Variants in NCKAP5 observed in about 807,000 individuals in gnomAD.
NCKAP5 encodes NCK associated protein 5, also known as nck-associated protein 5.
NCKAP5 carries 92 observed loss-of-function variants against 167.0 expected under a neutral mutation model. That is an observed-to-expected ratio of 0.55 (90% CI 0.47 to 0.66). The LOEUF (loss-of-function observed/expected upper bound fraction) is 0.66. Ranked by LOEUF, NCKAP5 falls within the 30% of genes least tolerant of loss-of-function variation. The pLI is 0.00. For synonymous variants in NCKAP5, 891 were observed against 877.4 expected (o/e 1.02, Z -0.27); for missense variants, 2,378 against 2,315.0 (o/e 1.03, Z -0.56).
intron 5 of NCKAP5, among the ~76,000 whole-genome samples, chr2:133,209,729 A>G (rs2086121839): frequency 6.6e-6 from 1 of 152,130 alleles, no homozygotes; most frequent in Non-Finnish European, 1.5e-5. Context: ...GTAGTAGTAT[A>G]CCAATGTTAA....
At chr2:133,527,900 T>C (rs1039517319) in intron 2 of NCKAP5, among the ~76,000 whole-genome samples, 1 of 151,936 alleles carries the variant, frequency 6.6e-6, no homozygotes, top group African/African-American at 2.4e-5. Context: ...CCCCTGTCTG[T>C]AGGAAAAATA....
At chr2:132,989,647 C>T (rs1204896670) in intron 7 of NCKAP5, among the ~76,000 whole-genome samples, 2 of 152,118 alleles carry the variant, frequency 1.3e-5, no homozygotes, top group African/African-American at 4.8e-5. Flanking sequence ...TCTCAGTTTA[C>T]TTTATTATTG....
chr2:132,770,717 T>G (rs1474248027), intron 16 of NCKAP5, among the ~76,000 whole-genome samples: 1 of 152,110 alleles, frequency 6.6e-6, no homozygotes, highest in Non-Finnish European at 1.5e-5. Context: ...TATGTTTGTG[T>G]GATGAAGGAA....
the NCKAP5 span, among the ~76,000 whole-genome samples, chr2:133,659,696 T>A: frequency 6.6e-6 from 1 of 152,136 alleles, no homozygotes; most frequent in Non-Finnish European, 1.5e-5. Context: ...GATAAGAATG[T>A]TATAAAATTA....
chr2:132,839,486 T>G (rs981340453), intron 11 of NCKAP5, among the ~76,000 whole-genome samples: 10 of 152,038 alleles, frequency 6.6e-5, no homozygotes, highest in Admixed American at 6.5e-4. Flanking sequence ...AATGGTGGAG[T>G]GCAACAGCTC....
At chr2:132,724,103 C>T (rs776282189) in intron 19 of NCKAP5, among the ~76,000 whole-genome samples, 2 of 152,130 alleles carry the variant, frequency 1.3e-5, no homozygotes, top group Non-Finnish European at 2.9e-5. Flanking sequence ...ACTGGGAGTG[C>T]CCTTCCTGGC....
At chr2:133,126,803 AT>A (rs1322533349) in intron 6 of NCKAP5, among the ~76,000 whole-genome samples, 1 of 152,138 alleles carries the variant, frequency 6.6e-6, no homozygotes, top group African/African-American at 2.4e-5. Flanking sequence ...GCTAAATTAC[AT>A]GCTCATACTC....
At chr2:132,832,818 G>C (rs1385302473) in intron 11 of NCKAP5, among the ~76,000 whole-genome samples, 1 of 152,168 alleles carries the variant, frequency 6.6e-6, no homozygotes, top group Non-Finnish European at 1.5e-5. Context: ...GAACAGTGCT[G>C]TGATAAACAT....
intron 12 of NCKAP5, among the ~76,000 whole-genome samples, chr2:132,794,236 A>G (rs1417150530): frequency 2.2e-5 from 1 of 45,492 alleles, no homozygotes; most frequent in African/African-American, 7.9e-5. Flanking sequence ...ATATATATAT[A>G]TATATATATA....
intron 5 of NCKAP5, among the ~76,000 whole-genome samples, chr2:133,180,167 C>G (rs2084666836): frequency 6.6e-6 from 1 of 151,658 alleles, no homozygotes; most frequent in Non-Finnish European, 1.5e-5. Context: ...CACCATTTTT[C>G]AAATGCTGAA....
At chr2:133,359,732 C>A (rs1208699011) in intron 3 of NCKAP5, among the ~76,000 whole-genome samples, 1 of 151,964 alleles carries the variant, frequency 6.6e-6, no homozygotes, top group Non-Finnish European at 1.5e-5. Context: ...TAGAAGAGAC[C>A]CTGAAGAAGT....
intron 9 of NCKAP5, among the ~76,000 whole-genome samples, chr2:132,874,174 T>C (rs1691071441): frequency 1.4e-5 from 2 of 144,442 alleles, no homozygotes; most frequent in Admixed American, 7.3e-5. Flanking sequence ...AGTGGCGCAA[T>C]CTCAGCTCAC....
chr2:133,466,323 T>A (rs1486658776), intron 3 of NCKAP5, among the ~76,000 whole-genome samples: 71 of 149,330 alleles, frequency 4.8e-4, no homozygotes, highest in Admixed American at 2.5e-3. Context: ...TAGTTGTAGA[T>A]ATGCGGCATT....
At chr2:133,105,431 A>G (rs2149695193) in intron 6 of NCKAP5, among the ~76,000 whole-genome samples, 1 of 152,342 alleles carries the variant, frequency 6.6e-6, no homozygotes, top group Non-Finnish European at 1.5e-5. Flanking sequence ...ATAAGAGAAT[A>G]AAATACTAAT....
chr2:132,940,730 G>T (rs1697235074), intron 8 of NCKAP5, among the ~76,000 whole-genome samples: 1 of 151,216 alleles, frequency 6.6e-6, no homozygotes. Context: ...CTTTTTCAAA[G>T]ATCTGGGTCT....
chr2:132,805,890 A>C lies in NCKAP5; in HGVS notation c.808-9161T>G, dbSNP rs1248869606. ...TGGACTCATCACCCGAGCAGTATACACTGCACCATATTTGTCATCTTTTAT... is the reference window on the plus strand; with the variant it reads ...TGGACTCATCACCCGAGCAGTATACCCTGCACCATATTTGTCATCTTTTAT... On this transcript the variant is annotated intron_variant, in intron 11 of 19. Coordinates refer to ENST00000409261, the MANE Select transcript of NCKAP5 (RefSeq NM_207363.3). Among the ~76,000 whole-genome samples, 7 of 152,106 alleles carry C rather than the reference A, an allele frequency of 4.6e-5. No individual in the cohort carries two copies. The East Asian group carries it at 1.3e-3, about 29-fold the overall frequency.
At chr2:133,583,447 C>T in the NCKAP5 span, among the ~76,000 whole-genome samples, 1 of 146,236 alleles carries the variant, frequency 6.8e-6, no homozygotes, top group Admixed American at 6.8e-5. Flanking sequence ...GAGGCCTCTC[C>T]AGAAGCAGAT....
intron 11 of NCKAP5, among the ~76,000 whole-genome samples, chr2:132,859,142 T>C (rs1017461214): frequency 2.0e-5 from 3 of 152,176 alleles, no homozygotes; most frequent in African/African-American, 7.2e-5. Context: ...AATTTTTGAG[T>C]CATAAATTAT....
chr2:133,621,349 A>G, the NCKAP5 span, among the ~76,000 whole-genome samples: 4 of 152,290 alleles, frequency 2.6e-5, no homozygotes, highest in Admixed American at 2.0e-4. Context: ...GTTCTTTGAA[A>G]AGATAAATAA....
Sources: allele counts gnomAD v4.1 joint callset (sites outside exome capture counted in the v4.1 genomes callset), GRCh38; gene constraint gnomAD v4.1.1; transcripts MANE v1.5; gene names NCBI Gene and HGNC (gene_info 2026-07-23, HGNC 2026-07-21).